GEMIN8: variants seen among roughly 807,000 people sequenced by gnomAD.
GEMIN8 encodes gem nuclear organelle associated protein 8, also known as gem-associated protein 8.
For synonymous variants in GEMIN8, 80 were observed against 78.5 expected (o/e 1.02, Z -0.10); for missense variants, 185 against 205.9 (o/e 0.90, Z 0.62).
chrX:14,016,933 T>C, intron 4 of GEMIN8, among the ~76,000 whole-genome samples: 1 of 99,115 alleles, frequency 1.0e-5, no homozygotes, highest in East Asian at 3.2e-4. Flanking sequence ...GCAAACGGTA[T>C]CAGAGAAAAA....
At chrX:14,004,416 C>T (rs1372206790), downstream of GEMIN8, among the ~76,000 whole-genome samples, 3 of 112,225 alleles carry the variant, frequency 2.7e-5, no homozygotes, top group Non-Finnish European at 5.6e-5. Flanking sequence ...GTCTCTTGGG[C>T]ATATACCTGA....
chrX:14,018,756 CTTTT>C (rs1360558158), intron 4 of GEMIN8, among the ~76,000 whole-genome samples: 5 of 102,584 alleles, frequency 4.9e-5, no homozygotes, highest in Non-Finnish European at 7.9e-5. Context: ...TCTTTTCTTT[CTTTT>C]CTTTTCTTTT....
At chrX:13,994,227 C>T in the GEMIN8 span, among the ~76,000 whole-genome samples, 1 of 111,971 alleles carries the variant, frequency 8.9e-6, no homozygotes, top group African/African-American at 3.2e-5. Context: ...AGCTGGCAGA[C>T]GGATCTCCAT....
chrX:14,009,120 A>C lies in GEMIN8; in HGVS notation c.522T>G (p.Ala174=). The change falls in exon 5 of 5, where the codon GCT becomes GCG. Residue 174 remains alanine, a synonymous_variant. Coordinates refer to ENST00000680255, the MANE Select transcript of GEMIN8 (RefSeq NM_001042479.2). ...GGGTGTTGCAGTACAGGTCGTGGTCAGCGTTCACATAGCTGTCCAGGCGCT... is the reference window on the plus strand; with the variant it reads ...GGGTGTTGCAGTACAGGTCGTGGTCCGCGTTCACATAGCTGTCCAGGCGCT... ...DAERLDSYVN[A]DHDLYCNTRR... 1 of 1,211,403 alleles carries C rather than the reference A, an allele frequency of 8.3e-7. No homozygotes were observed. Among genetic ancestry groups the C allele is most frequent in the Non-Finnish European group, 1.1e-6 (1 of 894,750 alleles).
the GEMIN8 span, among the ~76,000 whole-genome samples, chrX:13,992,838 T>A: frequency 1.8e-5 from 2 of 111,239 alleles, no homozygotes; most frequent in Non-Finnish European, 3.8e-5. Flanking sequence ...TGTTTTAGAA[T>A]AGATTGTAGG....
the GEMIN8 span, among the ~76,000 whole-genome samples, chrX:13,996,652 T>C: frequency 1.8e-5 from 2 of 111,846 alleles, no homozygotes; most frequent in Non-Finnish European, 3.8e-5. Context: ...AATAGAATCT[T>C]AATCCTATAC....
At chrX:13,993,710 C>T in the GEMIN8 span, among the ~76,000 whole-genome samples, 2 of 111,476 alleles carry the variant, frequency 1.8e-5, no homozygotes, top group Admixed American at 9.6e-5. Context: ...CAGGTGTGAG[C>T]CACCATGCCT....
At chrX:14,014,406 T>C in intron 4 of GEMIN8, 1 of 753,247 alleles carries the variant, frequency 1.3e-6, no homozygotes, top group Non-Finnish European at 1.6e-6. Context: ...ATGACAAATG[T>C]AATCCTGAAG....
intron 1 of GEMIN8, chrX:14,026,433 T>C (rs969024899): frequency 1.6e-5 from 12 of 736,790 alleles, no homozygotes; most frequent in African/African-American, 2.3e-5. Flanking sequence ...ACGAGGCCTA[T>C]AGGCAAGGCA....
intron 4 of GEMIN8, among the ~76,000 whole-genome samples, chrX:14,018,766 C>CTTTTTTTTTTTTTTTTTT (rs58528171): frequency 1.1e-5 from 1 of 91,888 alleles, no homozygotes. Flanking sequence ...CTTTTCTTTT[C>CTTTTTTTTTTTTTTTTTT]TTTTTTTTTT....
chrX:14,002,997 C>T (rs1215548106), downstream of GEMIN8, among the ~76,000 whole-genome samples: 1 of 111,969 alleles, frequency 8.9e-6, no homozygotes, highest in Non-Finnish European at 1.9e-5. Flanking sequence ...AAGACACACA[C>T]CTGAGCCATC....
the GEMIN8 span, among the ~76,000 whole-genome samples, chrX:13,998,737 A>C: frequency 1.8e-5 from 2 of 111,667 alleles, no homozygotes; most frequent in African/African-American, 6.5e-5. Flanking sequence ...TACAGGCATG[A>C]GCCACTGCAC....
downstream of GEMIN8, among the ~76,000 whole-genome samples, chrX:14,006,097 C>T (rs1356305786): frequency 9.4e-6 from 1 of 106,949 alleles, no homozygotes; most frequent in Non-Finnish European, 1.9e-5. Context: ...GGCGCAATCT[C>T]GGCTCACTGC....
At position 14,009,514 on chromosome X, in the gene GEMIN8, T is replaced by C. The variant is rs891361069; in HGVS notation, c.473-345A>G. On this transcript the variant is annotated intron_variant, in intron 4 of 4. Coordinates refer to ENST00000680255, the MANE Select transcript of GEMIN8 (RefSeq NM_001042479.2). Reference sequence around the variant, plus strand: ...CAGAGATTGCAGTGTACCACTATACTCCAGCCCAGGTGACAAAGCCAGACC... The same window carrying C: ...CAGAGATTGCAGTGTACCACTATACCCCAGCCCAGGTGACAAAGCCAGACC... Among the ~76,000 whole-genome samples, 5 of 108,960 alleles carry C rather than the reference T, an allele frequency of 4.6e-5. No individual in the cohort carries two copies. In the Admixed American group the frequency reaches 4.9e-4, roughly 11 times the overall value. 94.6% of individuals were successfully genotyped at this position (108,960 alleles called of 115,157 possible). A position where few individuals can be genotyped will look rare whatever the true frequency, so the allele number is the denominator to read the frequency against.
the GEMIN8 span, among the ~76,000 whole-genome samples, chrX:13,998,393 G>C: frequency 6.0e-4 from 66 of 110,003 alleles, no homozygotes; most frequent in African/African-American, 1.8e-3. Flanking sequence ...CTGGTCTTGT[G>C]ATAGTGAATT....
chrX:13,993,503 C>T, the GEMIN8 span, among the ~76,000 whole-genome samples: 15 of 105,195 alleles, frequency 1.4e-4, no homozygotes, highest in Non-Finnish European at 2.5e-4. Flanking sequence ...AGTGGTATGA[C>T]CTCCTGGGCT....
At chrX:13,997,933 T>C in the GEMIN8 span, among the ~76,000 whole-genome samples, 1 of 107,143 alleles carries the variant, frequency 9.3e-6, no homozygotes, top group South Asian at 4.1e-4. Flanking sequence ...ATAGAAGTGA[T>C]GTATCTTAAA....
downstream of GEMIN8, among the ~76,000 whole-genome samples, chrX:14,006,691 A>C (rs1923180223): frequency 9.0e-6 from 1 of 110,887 alleles, no homozygotes; most frequent in African/African-American, 3.3e-5. Flanking sequence ...CAAGACTCCC[A>C]CTGGCACTTC....
At position 14,025,639 on chromosome X, in the gene GEMIN8, T is replaced by C. The variant is rs184647442; in HGVS notation, c.-34+501A>G. Among the ~76,000 whole-genome samples the C allele has an allele frequency of 4.4e-4, 49 of 111,746 alleles. 1 individual carries two copies. Among genetic ancestry groups the C allele is most frequent in the Non-Finnish European group, 8.7e-4 (46 of 53,160 alleles). ...GACCAATAGCAATCATGTTGACCGG[T>C]TGCTAATATGTGGGACAAAAAAACA... On this transcript the variant is annotated intron_variant, in intron 2 of 4. Transcript: ENST00000680255.
Sources: gnomAD v4.1 joint callset for allele counts (sites outside exome capture counted in the v4.1 genomes callset) on GRCh38, gnomAD v4.1.1 for gene constraint, MANE v1.5 for transcripts, NCBI Gene and HGNC (gene_info 2026-07-23, HGNC 2026-07-21) for gene names.